Variants in GTPBP10 observed in about 807,000 individuals in gnomAD.
GTPBP10 encodes the protein GTP-binding protein 10.
A neutral mutation model predicts 44.8 loss-of-function variants in GTPBP10; 38 were observed. The ratio of observed to expected loss-of-function variants is 0.85; its 90% CI spans 0.65 to 1.11. GTPBP10 has a LOEUF of 1.11. Ranked by LOEUF, GTPBP10 falls within the 50% of genes most tolerant of loss-of-function variation. GTPBP10 has a pLI of 0.00. For synonymous variants in GTPBP10, 152 were observed against 150.6 expected, an observed-to-expected ratio of 1.01 and a Z score of -0.07; for missense variants, 462 against 453.7, an observed-to-expected ratio of 1.02 and a Z score of -0.17.
intron 8 of GTPBP10, among the ~76,000 whole-genome samples, chr7:90,378,583 C>T (rs769477319): frequency 1.3e-5 from 2 of 152,142 alleles, no homozygotes; most frequent in Non-Finnish European, 2.9e-5. Flanking sequence ...TTTTCTCATC[C>T]TTTAAGTAAC....
intron 8 of GTPBP10, among the ~76,000 whole-genome samples, chr7:90,378,856 C>T (rs951109969): frequency 1.3e-5 from 2 of 152,076 alleles, no homozygotes; most frequent in African/African-American, 4.8e-5. Context: ...GCGTGTGCCA[C>T]CACGCCCGGC....
intron 4 of GTPBP10, among the ~76,000 whole-genome samples, chr7:90,368,234 T>C (rs1052997705): frequency 6.6e-6 from 1 of 151,586 alleles, no homozygotes; most frequent in Non-Finnish European, 1.5e-5. Flanking sequence ...CATTTCAACT[T>C]TGGTGAATCT....
In GTPBP10 at chr7:90,355,209, T is replaced by C. The variant is rs757679600; in HGVS notation, c.443T>C (p.Ile148Thr). 1.4e-5 allele frequency: 23 copies of C among 1,598,260 alleles called. 1 individual carries two copies. The Admixed American group carries it at 3.4e-4, about 24-fold the overall frequency. ...ATAATTCACCTTGATCTAAAACTTATAGCTGATGTAGGCCTAGTAGGGTAA... is the reference window on the plus strand; with the variant it reads ...ATAATTCACCTTGATCTAAAACTTACAGCTGATGTAGGCCTAGTAGGGTAA... ...KRIIHLDLKL[I>T]ADVGLVGFPN... Residue 148 changes from isoleucine (I) to threonine (T), a missense_variant, in exon 4 of 10, where the codon ATA (isoleucine) becomes ACA (threonine). Transcript: ENST00000222511.
At chr7:90,353,300 T>C in intron 2 of GTPBP10, 1 of 227,430 alleles carries the variant, frequency 4.4e-6, no homozygotes, top group South Asian at 1.2e-4. Flanking sequence ...CTTCTAAAAT[T>C]ATCTTTGACA....
chr7:90,368,679 A>G lies in GTPBP10; in HGVS notation c.465-3476A>G, dbSNP rs560215181. Among the ~76,000 whole-genome samples, 13 of 152,260 alleles carry G rather than the reference A, an allele frequency of 8.5e-5. No individual in the cohort carries two copies. In the South Asian group the frequency reaches 2.5e-3, roughly 29 times the overall value. On this transcript the variant is annotated intron_variant, in intron 4 of 9. Transcript: ENST00000222511. ...GGACTTCTCTACACTGTTTATTCTA[A>G]TTAGCCATTCGTCTAACCTTTTTTG... is the stretch of plus-strand genomic sequence containing the variant.
At chr7:90,383,510 G>A (rs1796468337) in intron 9 of GTPBP10, among the ~76,000 whole-genome samples, 4 of 152,112 alleles carry the variant, frequency 2.6e-5, no homozygotes. Context: ...TATGTTTCTT[G>A]GCAAAAGTAA....
intron 1 of GTPBP10, chr7:90,347,634 C>T (rs1285173037): frequency 9.0e-6 from 2 of 223,076 alleles, no homozygotes; most frequent in Non-Finnish European, 1.5e-5. Flanking sequence ...AGTCCTTTAC[C>T]TACAAGAAGT....
At chr7:90,378,071 CAT>C (rs1414854930) in intron 7 of GTPBP10, 61 bp from the exon 8 acceptor site, 28 of 1,514,752 alleles carry the variant, frequency 1.8e-5, no homozygotes, top group Non-Finnish European at 2.2e-5. Context: ...CATTTTAAAA[CAT>C]AGAAATGTAT....
At chr7:90,365,994 A>T (rs868574295) in intron 4 of GTPBP10, among the ~76,000 whole-genome samples, 40 of 152,292 alleles carry the variant, frequency 2.6e-4, no homozygotes, top group Middle Eastern at 6.8e-3. Context: ...ATTTTCTCGA[A>T]GGCCTTTTCT....
chr7:90,371,322 T>TGG, intron 4 of GTPBP10: 4 of 200,006 alleles, frequency 2.0e-5, no homozygotes, highest in Non-Finnish European at 2.7e-5. Context: ...CACTTCACCA[T>TGG]TGAAAAGTGT....
intron 8 of GTPBP10, among the ~76,000 whole-genome samples, chr7:90,381,980 T>G (rs1796442404): frequency 6.6e-6 from 1 of 152,074 alleles, no homozygotes; most frequent in Non-Finnish European, 1.5e-5. Context: ...AGAAGTTCCA[T>G]GACATTTGTC....
At chr7:90,372,354 A>G (rs1796273092) in intron 5 of GTPBP10, 126 bp downstream of exon 5, 4 of 633,462 alleles carry the variant, frequency 6.3e-6, no homozygotes, top group Non-Finnish European at 1.1e-5. Context: ...TGGCAGATAG[A>G]CTACTGTTGC....
intron 4 of GTPBP10, among the ~76,000 whole-genome samples, chr7:90,362,999 C>T (rs1245473547): frequency 6.6e-6 from 1 of 152,170 alleles, no homozygotes; most frequent in Non-Finnish European, 1.5e-5. Flanking sequence ...AAATCTTCCT[C>T]TATCCCTTTA....
At chr7:90,380,490 ATTAT>A (rs937601529) in intron 8 of GTPBP10, among the ~76,000 whole-genome samples, 6 of 152,190 alleles carry the variant, frequency 3.9e-5, no homozygotes, top group African/African-American at 1.4e-4. Context: ...GCACAAAACT[ATTAT>A]TTATTTATTT....
rs866552557 is a variant in GTPBP10 at position 90,360,277 on chromosome 7, A to G, written c.464+5047A>G. On this transcript the variant is annotated intron_variant, in intron 4 of 9. Transcript: ENST00000222511. ...CTAGGGTTTTTATGGTTTTACGACTATCATTTAAGTCTTTAATCCATCTTG... is the reference window on the plus strand; with the variant it reads ...CTAGGGTTTTTATGGTTTTACGACTGTCATTTAAGTCTTTAATCCATCTTG... 6.6e-5 allele frequency among the ~76,000 whole-genome samples: 10 copies of G among 152,142 alleles called. No individual in the cohort carries two copies. In the South Asian group the frequency reaches 1.4e-3, roughly 22 times the overall value.
intron 8 of GTPBP10, among the ~76,000 whole-genome samples, chr7:90,379,264 A>C (rs571447857): frequency 4.8e-4 from 73 of 152,100 alleles, no homozygotes; most frequent in African/African-American, 1.6e-3. Flanking sequence ...TTCTTATTGG[A>C]ATATTGAATC....
At chr7:90,362,930 GT>G (rs1296977794) in intron 4 of GTPBP10, among the ~76,000 whole-genome samples, 1 of 152,090 alleles carries the variant, frequency 6.6e-6, no homozygotes, top group African/African-American at 2.4e-5. Flanking sequence ...TTTAAAGTCT[GT>G]TTTATCACAG....
At chr7:90,375,415 G>T (rs1796328313) in intron 6 of GTPBP10, among the ~76,000 whole-genome samples, 1 of 152,070 alleles carries the variant, frequency 6.6e-6, no homozygotes, top group Non-Finnish European at 1.5e-5. Context: ...ACAATGTAAA[G>T]TATAGACTTT....
At chr7:90,350,296 C>G (rs534747770) in intron 1 of GTPBP10, among the ~76,000 whole-genome samples, 1 of 152,176 alleles carries the variant, frequency 6.6e-6, no homozygotes, top group African/African-American at 2.4e-5. Flanking sequence ...TTAATCCAGT[C>G]TATCATTGAT....
Sources: gnomAD v4.1 joint callset for allele counts (sites outside exome capture counted in the v4.1 genomes callset) on GRCh38, gnomAD v4.1.1 for gene constraint, MANE v1.5 for transcripts, NCBI Gene and HGNC (gene_info 2026-07-23, HGNC 2026-07-21) for gene names.